The following SP140 variants were observed in gnomAD, a reference collection of about 807,000 sequenced individuals.
The protein encoded by SP140 is nuclear body protein SP140.
Under a neutral mutation model 125.0 loss-of-function variants are expected in SP140, and 81 were observed. The observed-to-expected ratio is 0.65, with a 90% confidence interval of 0.54 to 0.78. SP140 has a LOEUF of 0.78. Ranked by LOEUF, SP140 falls within the 30% of genes least tolerant of loss-of-function variation. The pLI is 0.00. For synonymous variants in SP140, 312 were observed against 354.0 expected, an observed-to-expected ratio of 0.88 and a Z score of 1.33; for missense variants, 858 against 1,037.0, an observed-to-expected ratio of 0.83 and a Z score of 2.37.
chr2:230,310,487 TCAGA>T (rs1484131957), intron 23 of SP140: 2 of 795,278 alleles, frequency 2.5e-6, no homozygotes, highest in African/African-American at 1.7e-5. Flanking sequence ...TCCCAGCAGC[TCAGA>T]CAGAGAAAGG....
chr2:230,269,928 A>G lies in SP140; in HGVS notation c.1419A>G (p.Glu473=). 1 of 1,613,828 alleles carries G rather than the reference A, an allele frequency of 6.2e-7. No homozygotes were observed. The highest frequency in any genetic ancestry group is 8.5e-7 in the Non-Finnish European group (1 of 1,179,732). Residue 473 remains glutamate (E), a synonymous_variant, in exon 14 of 27, where the codon GAA becomes GAG. Coordinates refer to ENST00000392045, the MANE Select transcript of SP140 (RefSeq NM_007237.5). ...EVPGSPEART[E]SDQACGTMDT... ...CAGGAAGCCCAGAAGCAAGGACGGA[A>G]AGTGATCAAGCGTGTGGCACAATGG... is the stretch of plus-strand genomic sequence containing the variant.
chr2:230,202,859 A>T (rs2043319074), upstream of SP140: 1 of 845,348 alleles, frequency 1.2e-6, no homozygotes, highest in Non-Finnish European at 2.0e-6. Flanking sequence ...CCTGTACCTC[A>T]CTTTTCTCCT....
downstream of SP140, among the ~76,000 whole-genome samples, chr2:230,313,584 C>T (rs2059456544): frequency 6.6e-6 from 1 of 152,218 alleles, no homozygotes; most frequent in African/African-American, 2.4e-5. Flanking sequence ...CCACACGATG[C>T]TGCTTCCCCT....
At chr2:230,186,256 G>A in the SP140 span, 35 of 1,026,492 alleles carry the variant, frequency 3.4e-5, no homozygotes, top group Middle Eastern at 2.9e-4. Flanking sequence ...TTTCTTGTGT[G>A]TATCTTTCTT....
rs1403243305 is a variant in SP140 at position 230,243,801 on chromosome 2, G to A, written c.561G>A (p.Arg187=). The A allele has an allele frequency of 1.1e-5, 18 of 1,611,686 alleles. No homozygotes were observed. Among genetic ancestry groups the A allele is most frequent in the Non-Finnish European group, 1.4e-5 (17 of 1,178,274 alleles). ...VPQEALSSSP[R]CEPGFSSESC... ...AGGAAGCCTTGAGCTCCTCGCCAAG[G>A]TGTGAGCCAGGTAAGGAAGGAGTGA... The change falls in exon 5 of 27, where the codon AGG becomes AGA. Residue 187 remains arginine (R), a synonymous_variant. Transcript: ENST00000392045.
intron 3 of SP140, chr2:230,219,958 T>TG: frequency 1.0e-6 from 1 of 985,476 alleles, no homozygotes; most frequent in Non-Finnish European, 1.2e-6. Context: ...TACAGGGAGA[T>TG]GCTAGCAGGC....
At chr2:230,258,510 A>G (rs2051635634) in intron 12 of SP140, among the ~76,000 whole-genome samples, 1 of 152,216 alleles carries the variant, frequency 6.6e-6, no homozygotes. Flanking sequence ...TAAATTTGCC[A>G]TGAAATATCT....
At chr2:230,280,810 A>T (rs573880277) in intron 15 of SP140, among the ~76,000 whole-genome samples, 2 of 152,206 alleles carry the variant, frequency 1.3e-5, no homozygotes, top group East Asian at 3.9e-4. Context: ...TATTTACTTA[A>T]TTTAAAAAAA....
chr2:230,261,725 T>G (rs573224866), intron 12 of SP140, among the ~76,000 whole-genome samples: 29 of 152,320 alleles, frequency 1.9e-4, no homozygotes, highest in Non-Finnish European at 3.1e-4. Context: ...TGATTTTTGT[T>G]TTTAATTCTG....
chr2:230,287,104 G>A (rs1341289425), intron 17 of SP140, among the ~76,000 whole-genome samples: 2 of 152,170 alleles, frequency 1.3e-5, no homozygotes, highest in East Asian at 3.8e-4. Context: ...GCACTTGGGA[G>A]AATATCATCG....
At chr2:230,308,986 C>G (rs943659255) in intron 22 of SP140, among the ~76,000 whole-genome samples, 1 of 152,196 alleles carries the variant, frequency 6.6e-6, no homozygotes, top group African/African-American at 2.4e-5. Flanking sequence ...GTATTGGTCT[C>G]TATATTTGCT....
chr2:230,233,622 A>C (rs2047569295), intron 1 of SP140, among the ~76,000 whole-genome samples: 1 of 152,214 alleles, frequency 6.6e-6, no homozygotes, highest in Non-Finnish European at 1.5e-5. Context: ...TGAACACTTA[A>C]AATATGTATT....
rs1206543609 is a variant in SP140 at position 230,211,010 on chromosome 2, T to G, written c.-322-2644T>G. ...CCACACAGTGTTTTTGTTCATTTGC[T>G]TTGCATTTTGACAGAGCCGTTTTGA... On this transcript the variant is annotated intron_variant, in intron 1 of 4. Coordinates refer to the SP140 transcript ENST00000456542. This position sits in a 1 kb window ranked among gnomAD's most constrained non-coding sequence, Gnocchi z 4.2. Among the ~76,000 whole-genome samples the G allele has an allele frequency of 6.6e-6, 1 of 152,236 alleles. No homozygotes were observed. The highest frequency in any genetic ancestry group is 1.5e-5 in the Non-Finnish European group (1 of 68,040).
intron 22 of SP140, among the ~76,000 whole-genome samples, chr2:230,298,934 A>C (rs2058021970): frequency 6.6e-6 from 1 of 152,220 alleles, no homozygotes; most frequent in Non-Finnish European, 1.5e-5. Context: ...AGTGATTCAG[A>C]ATCTCTGGTG....
chr2:230,200,876 A>C (rs760607836), upstream of SP140: 2 of 1,603,472 alleles, frequency 1.2e-6, no homozygotes, highest in Non-Finnish European at 8.5e-7. Flanking sequence ...AGCAATCTCC[A>C]AGTTTTACCT....
chr2:230,259,081 G>GTTTA (rs202001502), intron 12 of SP140, among the ~76,000 whole-genome samples: 59 of 151,998 alleles, frequency 3.9e-4, no homozygotes, highest in Non-Finnish European at 7.1e-4. Flanking sequence ...TGGCCTGTTT[G>GTTTA]TTTATTTATT....
chr2:230,210,792 G>T (rs1010300340), intron 1 of SP140, among the ~76,000 whole-genome samples: 1 of 152,202 alleles, frequency 6.6e-6, no homozygotes, highest in Non-Finnish European at 1.5e-5. Flanking sequence ...AGGAATAGGT[G>T]ACTGAGGCAG....
chr2:230,264,541 A>C (rs1378465427), intron 12 of SP140, among the ~76,000 whole-genome samples: 1 of 152,046 alleles, frequency 6.6e-6, no homozygotes, highest in African/African-American at 2.4e-5. Flanking sequence ...GGGTGTGTTA[A>C]AGAGCCTTGT....
intron 12 of SP140, among the ~76,000 whole-genome samples, chr2:230,260,074 TC>T (rs1226024641): frequency 6.6e-6 from 1 of 152,144 alleles, no homozygotes. Context: ...GTAGAAGTGT[TC>T]CCTATTCACT....
Sources: allele counts gnomAD v4.1 joint callset (sites outside exome capture counted in the v4.1 genomes callset), GRCh38; gene constraint gnomAD v4.1.1; non-coding constraint Gnocchi (gnomAD v3.1); transcripts MANE v1.5; gene names NCBI Gene and HGNC (gene_info 2026-07-23, HGNC 2026-07-21).